The following FBXO34 variants were observed in gnomAD, a reference collection of about 807,000 sequenced individuals.
FBXO34 encodes F-box only protein 34.
Under a neutral mutation model 24.5 loss-of-function variants are expected in FBXO34, and 12 were observed. The observed-to-expected ratio is 0.49, with a 90% confidence interval of 0.31 to 0.79. The LOEUF (loss-of-function observed/expected upper bound fraction) is 0.79, where lower values mean the gene tolerates loss of function less well. Among genes scored for constraint, FBXO34 ranks in the 30% least tolerant of loss-of-function variants. The probability of loss-of-function intolerance (pLI) is 0.04; values close to 1 mark genes in which losing one functional copy is unlikely to be tolerated. For synonymous variants in FBXO34, 320 were observed against 311.9 expected, an observed-to-expected ratio of 1.03 and a Z score of -0.27; for missense variants, 823 against 857.7, an observed-to-expected ratio of 0.96 and a Z score of 0.51.
intron 1 of FBXO34, among the ~76,000 whole-genome samples, chr14:55,318,924 A>T (rs528754992): frequency 1.7e-4 from 26 of 151,878 alleles, no homozygotes; most frequent in African/African-American, 6.0e-4. Context: ...TCTCCATGGG[A>T]TTTCATGTTA....
chr14:55,398,061 C>T, the FBXO34 span, among the ~76,000 whole-genome samples: 1 of 151,606 alleles, frequency 6.6e-6, no homozygotes, highest in African/African-American at 2.4e-5. Context: ...CATTCTCCCG[C>T]CTCAGCCTCC....
downstream of FBXO34, among the ~76,000 whole-genome samples, chr14:55,365,743 A>G (rs529274083): frequency 2.0e-5 from 3 of 152,108 alleles, no homozygotes; most frequent in Admixed American, 6.5e-5. Context: ...TTCCTTGCCT[A>G]TTTCCTCCTG....
At chr14:55,349,859 G>T (rs1884285717) in intron 1 of FBXO34, among the ~76,000 whole-genome samples, 1 of 151,916 alleles carries the variant, frequency 6.6e-6, no homozygotes, top group South Asian at 2.1e-4. Context: ...CGCCTGCCTT[G>T]TCCTCCCAAA....
intron 3 of FBXO34, among the ~76,000 whole-genome samples, chr14:55,361,437 T>G (rs544488436): frequency 2.0e-5 from 3 of 152,328 alleles, no homozygotes; most frequent in Admixed American, 6.5e-5. Context: ...AAGAGTAGAT[T>G]TAGCATAATT....
chr14:55,441,411 C>A, the FBXO34 span, among the ~76,000 whole-genome samples: 1 of 152,220 alleles, frequency 6.6e-6, no homozygotes, highest in Non-Finnish European at 1.5e-5. Context: ...CTGCCTCAGA[C>A]TCCCAAAATG....
At chr14:55,279,771 A>G (rs544666950) in intron 1 of FBXO34, among the ~76,000 whole-genome samples, 1 of 152,334 alleles carries the variant, frequency 6.6e-6, no homozygotes, top group South Asian at 2.1e-4. Flanking sequence ...GCTGGGGGTC[A>G]TTCCCTCCTA....
chr14:55,383,696 G>A, the FBXO34 span, among the ~76,000 whole-genome samples: 5 of 152,058 alleles, frequency 3.3e-5, no homozygotes, highest in African/African-American at 1.2e-4. Flanking sequence ...TTGAGCTCAC[G>A]AATGGTGCTA....
At chr14:55,298,906 A>C in intron 1 of FBXO34, 1 of 1,586,660 alleles carries the variant, frequency 6.3e-7, no homozygotes, top group South Asian at 1.1e-5. Flanking sequence ...GAGAATGCCA[A>C]CACCAATACC....
At chr14:55,437,595 G>A in the FBXO34 span, among the ~76,000 whole-genome samples, 4 of 152,342 alleles carry the variant, frequency 2.6e-5, no homozygotes, top group African/African-American at 9.6e-5. Context: ...TCTCTAGTAA[G>A]TTGCCACTCT....
chr14:55,442,803 C>T, the FBXO34 span, among the ~76,000 whole-genome samples: 108 of 152,060 alleles, frequency 7.1e-4, 2 homozygotes, highest in East Asian at 0.017. Context: ...TGAATTGTTT[C>T]CCCCCAAAAT....
chr14:55,391,293 G>A, the FBXO34 span: 1 of 197,006 alleles, frequency 5.1e-6, no homozygotes, highest in Non-Finnish European at 1.0e-5. Context: ...GGCCAACATG[G>A]TGAAACCCCA....
chr14:55,291,978 A>G (rs72715765), intron 1 of FBXO34, among the ~76,000 whole-genome samples: 1,702 of 152,070 alleles, frequency 0.011, 14 homozygotes, highest in Middle Eastern at 0.027. Context: ...TAAAAAAGAA[A>G]AAAAATCAAT....
chr14:55,380,108 C>T, the FBXO34 span, among the ~76,000 whole-genome samples: 1 of 151,942 alleles, frequency 6.6e-6, no homozygotes, highest in Non-Finnish European at 1.5e-5. Context: ...ATTAGCCAGG[C>T]GTGGTCGTGG....
At chr14:55,300,749 A>C (rs1882325044) in intron 1 of FBXO34, among the ~76,000 whole-genome samples, 1 of 152,248 alleles carries the variant, frequency 6.6e-6, no homozygotes, top group Non-Finnish European at 1.5e-5. Context: ...ATATATATGC[A>C]CATGGTAAAA....
chr14:55,388,781 G>A, the FBXO34 span, among the ~76,000 whole-genome samples: 7 of 152,184 alleles, frequency 4.6e-5, no homozygotes, highest in African/African-American at 1.7e-4. Flanking sequence ...AGGGTGGGAA[G>A]GAGACATGTA....
At chr14:55,364,697 G>A (rs1032850370), downstream of FBXO34, among the ~76,000 whole-genome samples, 99 of 150,816 alleles carry the variant, frequency 6.6e-4, no homozygotes, top group Non-Finnish European at 1.5e-4. Flanking sequence ...CCAAAGTGCT[G>A]GGACTACAGG....
chr14:55,294,605 A>G (rs1450526052), intron 1 of FBXO34, among the ~76,000 whole-genome samples: 5 of 152,256 alleles, frequency 3.3e-5, no homozygotes, highest in African/African-American at 1.2e-4. Flanking sequence ...AAAGTTAGCT[A>G]TAAAATAGTT....
chr14:55,307,653 G>T (rs1218440719), intron 1 of FBXO34, among the ~76,000 whole-genome samples: 1 of 152,142 alleles, frequency 6.6e-6, no homozygotes, highest in Non-Finnish European at 1.5e-5. Flanking sequence ...ATGAGCAAAG[G>T]TTTTTTTGTG....
the FBXO34 span, among the ~76,000 whole-genome samples, chr14:55,427,315 CAA>C: frequency 6.6e-6 from 1 of 151,782 alleles, no homozygotes; most frequent in Non-Finnish European, 1.5e-5. Context: ...AAAACATAAT[CAA>C]GAGAAAAATA....
Sources: gnomAD v4.1 joint callset for allele counts (sites outside exome capture counted in the v4.1 genomes callset) on GRCh38, gnomAD v4.1.1 for gene constraint, MANE v1.5 for transcripts, NCBI Gene and HGNC (gene_info 2026-07-23, HGNC 2026-07-21) for gene names.